The following EPB41 variants were observed in gnomAD, a reference collection of about 807,000 sequenced individuals.
EPB41 encodes the protein protein 4.1.
In EPB41, 65 loss-of-function variants were observed where a neutral mutation model predicts 108.0. The observed-to-expected ratio is 0.60, with a 90% confidence interval of 0.49 to 0.74. EPB41 has a LOEUF of 0.74. EPB41 is among the 30% of genes least tolerant of loss of function. The pLI is 0.00. For missense variants in EPB41, 875 were observed against 1,037.0 expected, an observed-to-expected ratio of 0.84 and a Z score of 2.15; for synonymous variants, 336 against 358.9, an observed-to-expected ratio of 0.94 and a Z score of 0.72.
intron 16 of EPB41, chr1:29,068,694 G>T: frequency 1.7e-6 from 2 of 1,211,898 alleles, no homozygotes; most frequent in South Asian, 4.2e-5. Flanking sequence ...TTGTTGCATT[G>T]CAAGGCAACT....
intron 4 of EPB41, among the ~76,000 whole-genome samples, chr1:28,998,471 T>C (rs531267425): frequency 6.6e-6 from 1 of 152,290 alleles, no homozygotes; most frequent in South Asian, 2.1e-4. Flanking sequence ...ATGATTTCAG[T>C]TTATTAAGAA....
intron 11 of EPB41, among the ~76,000 whole-genome samples, chr1:29,051,104 T>C: frequency 8.3e-6 from 1 of 120,620 alleles, no homozygotes; most frequent in African/African-American, 3.2e-5. Flanking sequence ...TTTTTTTTTT[T>C]TTTTTTTTTT....
At position 29,120,005 on chromosome 1, in the gene EPB41, G is replaced by A. The variant is rs1340083259; in HGVS notation, c.*3193G>A. 6.6e-6 allele frequency: 1 copy of A among 152,540 alleles called. No individual in the cohort carries two copies. Among genetic ancestry groups the A allele is most frequent in the African/African-American group, 2.4e-5 (1 of 41,414 alleles). 9.4% of individuals were successfully genotyped at this position (152,540 alleles called of 1,614,324 possible). A position where few individuals can be genotyped will look rare whatever the true frequency, so the allele number is the denominator to read the frequency against. ...AGATATCTGTTTGGTCTTGCTTCTTGTATTGCATTTTTTTCAATAAACAAC... is the reference window on the plus strand; with the variant it reads ...AGATATCTGTTTGGTCTTGCTTCTTATATTGCATTTTTTTCAATAAACAAC... On this transcript the variant is annotated 3_prime_UTR_variant, in exon 21 of 21. Coordinates refer to ENST00000343067, the MANE Select transcript of EPB41 (RefSeq NM_001376013.1).
At chr1:29,105,638 G>GT (rs1460045049) in intron 17 of EPB41, among the ~76,000 whole-genome samples, 4 of 151,446 alleles carry the variant, frequency 2.6e-5, no homozygotes, top group African/African-American at 7.3e-5. Context: ...TACATTGAAT[G>GT]AATATACCAC....
intron 1 of EPB41, among the ~76,000 whole-genome samples, chr1:28,888,409 T>G (rs1266505055): frequency 6.6e-6 from 1 of 152,148 alleles, no homozygotes; most frequent in African/African-American, 2.4e-5. Context: ...GAGGATGGTC[T>G]TGGCAGGAGG....
intron 1 of EPB41, among the ~76,000 whole-genome samples, chr1:28,975,225 C>T (rs2095576619): frequency 6.6e-6 from 1 of 152,162 alleles, no homozygotes. Flanking sequence ...AGTTACCGTG[C>T]CCGGCCTTAT....
chr1:29,041,538 T>C (rs913267907), intron 11 of EPB41: 6 of 152,120 alleles, frequency 3.9e-5, no homozygotes, highest in Non-Finnish European at 7.4e-5. Context: ...TAGGGTATTA[T>C]TGATTACCTT....
At chr1:28,957,666 A>C (rs2095016611) in intron 1 of EPB41, among the ~76,000 whole-genome samples, 1 of 152,172 alleles carries the variant, frequency 6.6e-6, no homozygotes, top group South Asian at 2.1e-4. Flanking sequence ...TGGCCTCCCA[A>C]AGTGCCAGGA....
chr1:29,057,960 A>T (rs1382296619), intron 12 of EPB41, among the ~76,000 whole-genome samples: 4 of 152,156 alleles, frequency 2.6e-5, no homozygotes, highest in African/African-American at 9.7e-5. Context: ...CCTGGGAGTA[A>T]TTTCATGTGT....
chr1:29,059,120 C>G (rs1646070262), intron 14 of EPB41, among the ~76,000 whole-genome samples: 1 of 151,856 alleles, frequency 6.6e-6, no homozygotes, highest in Non-Finnish European at 1.5e-5. Context: ...ACTAAAAATA[C>G]AAAAATTAGC....
chr1:28,942,585 T>A (rs1209345289), intron 1 of EPB41, among the ~76,000 whole-genome samples: 2 of 152,238 alleles, frequency 1.3e-5, no homozygotes, highest in Non-Finnish European at 2.9e-5. Flanking sequence ...CACACCAACC[T>A]CCACGATCTT....
Position 29,097,878 on chromosome 1 carries a change from C to A in EPB41, c.2256C>A (p.Thr752=). The change falls in exon 17 of 21, where the codon ACC becomes ACA. Residue 752 remains threonine, a synonymous_variant. Coordinates refer to ENST00000343067, the MANE Select transcript of EPB41 (RefSeq NM_001376013.1). Reference sequence around the variant, plus strand: ...ATGCTGTGAAAAGTGAAATCCCAACCAAAGACGTCCCTATTGTCCACACTG... The same window carrying A: ...ATGCTGTGAAAAGTGAAATCCCAACAAAAGACGTCCCTATTGTCCACACTG... ...NANAVKSEIP[T]KDVPIVHTET... The A allele has an allele frequency of 3.1e-6, 5 of 1,613,974 alleles. No homozygotes were observed. Among genetic ancestry groups the A allele is most frequent in the Non-Finnish European group, 4.2e-6 (5 of 1,179,890 alleles).
At position 28,887,177 on chromosome 1, in the gene EPB41, GCGGTCGGCC is replaced by G; in HGVS notation, c.-35_-27del. The G allele has an allele frequency of 8.3e-7, 1 of 1,206,664 alleles. No individual in the cohort carries two copies. The highest frequency in any genetic ancestry group is 1.1e-6 in the Non-Finnish European group (1 of 914,344). The allele number at this position is 1,206,664 out of a possible 1,614,324, so 74.7% of individuals were successfully genotyped here. ...GGCGAGAGCGGCGCGGAGCCAGAAC[GCGGTCGGCC>G]CGGTCCCCGCCGCACCCAGCCCAGG... is the stretch of plus-strand genomic sequence containing the variant. On this transcript the variant is annotated 5_prime_UTR_variant, in exon 1 of 17. Transcript: ENST00000347529. The surrounding 1 kb of genome is among the most constrained non-coding windows in gnomAD (Gnocchi z 4.9).
intron 12 of EPB41, among the ~76,000 whole-genome samples, chr1:29,057,068 G>T (rs916711751): frequency 1.3e-5 from 2 of 151,958 alleles, no homozygotes; most frequent in East Asian, 3.9e-4. Context: ...AGTATGCTGG[G>T]ACTCAAAGTA....
intron 16 of EPB41, among the ~76,000 whole-genome samples, chr1:29,080,182 A>T (rs1312012753): frequency 4.0e-5 from 6 of 151,114 alleles, no homozygotes; most frequent in Non-Finnish European, 5.9e-5. Flanking sequence ...GCAGTGGCGC[A>T]ATCTTGGCTC....
intron 1 of EPB41, among the ~76,000 whole-genome samples, chr1:28,922,720 C>T (rs528518645): frequency 2.4e-4 from 36 of 151,680 alleles, no homozygotes; most frequent in African/African-American, 8.0e-4. Flanking sequence ...CTCTGCCTCC[C>T]GGGTTCAAGC....
At chr1:28,895,522 C>T (rs1490253541) in intron 1 of EPB41, among the ~76,000 whole-genome samples, 5 of 152,036 alleles carry the variant, frequency 3.3e-5, no homozygotes, top group African/African-American at 7.3e-5. Context: ...TGGAGTCTCA[C>T]TCTGTCACCC....
intron 7 of EPB41, among the ~76,000 whole-genome samples, chr1:29,028,910 C>T (rs1558074665): frequency 6.6e-6 from 1 of 151,978 alleles, no homozygotes; most frequent in African/African-American, 2.4e-5. Context: ...GACATGGTGG[C>T]ATGCACCTGT....
chr1:28,917,082 C>T (rs1248806834), intron 1 of EPB41, among the ~76,000 whole-genome samples: 2 of 151,788 alleles, frequency 1.3e-5, no homozygotes, highest in African/African-American at 4.8e-5. Flanking sequence ...TGAGCCACCT[C>T]ACCCGGCCTC....
Sources: allele counts gnomAD v4.1 joint callset (sites outside exome capture counted in the v4.1 genomes callset), GRCh38; gene constraint gnomAD v4.1.1; non-coding constraint Gnocchi (gnomAD v3.1); transcripts MANE v1.5; gene names NCBI Gene and HGNC (gene_info 2026-07-23, HGNC 2026-07-21).